The following SYT14 variants were observed in gnomAD, a reference collection of about 807,000 sequenced individuals.
The protein encoded by SYT14 is synaptotagmin-14.
A neutral mutation model predicts 74.2 loss-of-function variants in SYT14; 32 were observed. That is an observed-to-expected ratio of 0.43 (90% confidence interval 0.33 to 0.58). The LOEUF (loss-of-function observed/expected upper bound fraction) is 0.58. Among genes scored for constraint, SYT14 ranks in the 20% least tolerant of loss-of-function variants. SYT14 has a pLI of 0.05. For missense variants in SYT14, 791 were observed against 981.8 expected, an observed-to-expected ratio of 0.81 and a Z score of 2.60; for synonymous variants, 298 against 337.7, an observed-to-expected ratio of 0.88 and a Z score of 1.29.
chr1:209,986,675 G>A (rs899854921), intron 2 of SYT14, among the ~76,000 whole-genome samples: 3 of 151,592 alleles, frequency 2.0e-5, no homozygotes, highest in African/African-American at 7.3e-5. Flanking sequence ...TCTTTTTTGA[G>A]ACGGAGTCTC....
At chr1:210,068,344 G>A (rs997005927) in intron 5 of SYT14, among the ~76,000 whole-genome samples, 2 of 151,678 alleles carry the variant, frequency 1.3e-5, no homozygotes, top group African/African-American at 4.8e-5. Flanking sequence ...GGGTTTCCCA[G>A]AGAAGCTTAC....
chr1:210,031,087 G>GTT (rs1400597656), intron 5 of SYT14, among the ~76,000 whole-genome samples: 1 of 117,064 alleles, frequency 8.5e-6, no homozygotes, highest in African/African-American at 3.1e-5. Flanking sequence ...CACCATGCCT[G>GTT]TCTTTTTTTT....
At chr1:210,105,582 T>C (rs1424534858) in intron 7 of SYT14, among the ~76,000 whole-genome samples, 1 of 152,188 alleles carries the variant, frequency 6.6e-6, no homozygotes, top group Non-Finnish European at 1.5e-5. Flanking sequence ...GATAAAACAT[T>C]TGCTCTTCTG....
chr1:209,986,131 G>T (rs143032541), intron 2 of SYT14, among the ~76,000 whole-genome samples: 60 of 152,306 alleles, frequency 3.9e-4, no homozygotes, highest in African/African-American at 1.3e-3. Flanking sequence ...TTAAATTCCT[G>T]CCTTGAAATT....
chr1:210,052,508 G>T (rs1572218172), intron 5 of SYT14, among the ~76,000 whole-genome samples: 1 of 151,456 alleles, frequency 6.6e-6, no homozygotes, highest in Non-Finnish European at 1.5e-5. Flanking sequence ...ACTAAAAATA[G>T]AAAAATTAGC....
At position 210,062,259 on chromosome 1, in the gene SYT14, CA is replaced by C; in HGVS notation, c.1313-32061del. ...GCAGGTTAAAAATAGAACTAATAAC[CA>C]AGTGCATATTTGGAAATTTGATTCT... On this transcript the variant is annotated intron_variant, in intron 5 of 9. Coordinates refer to ENST00000637265, the Ensembl canonical transcript of SYT14. 1.3e-5 allele frequency among the ~76,000 whole-genome samples: 2 copies of C among 151,908 alleles called. 1 individual carries two copies. Among genetic ancestry groups the C allele is most frequent in the South Asian group, 4.2e-4 (2 of 4,812 alleles).
chr1:210,053,918 C>T (rs1253036316), intron 5 of SYT14, among the ~76,000 whole-genome samples: 1 of 152,044 alleles, frequency 6.6e-6, no homozygotes, highest in Non-Finnish European at 1.5e-5. Flanking sequence ...AGCAAGTGAG[C>T]TTTTTGAGAT....
chr1:209,962,285 G>A (rs2079088151), intron 2 of SYT14, among the ~76,000 whole-genome samples: 1 of 150,190 alleles, frequency 6.7e-6, no homozygotes, highest in South Asian at 2.1e-4. Context: ...TATATATATA[G>A]CTCAGTGACT....
At chr1:210,063,866 T>C (rs1441304494) in intron 5 of SYT14, among the ~76,000 whole-genome samples, 1 of 151,904 alleles carries the variant, frequency 6.6e-6, no homozygotes, top group African/African-American at 2.4e-5. Flanking sequence ...CCTCTAATCT[T>C]AATTTTTTTT....
chr1:209,940,367 C>CTTT (rs35220448), intron 1 of SYT14, among the ~76,000 whole-genome samples: 1 of 144,916 alleles, frequency 6.9e-6, no homozygotes, highest in African/African-American at 2.5e-5. Flanking sequence ...TTCAGTAGAC[C>CTTT]TTTTTTTTTT....
At chr1:210,032,835 T>C (rs2080571508) in intron 5 of SYT14, among the ~76,000 whole-genome samples, 1 of 151,952 alleles carries the variant, frequency 6.6e-6, no homozygotes, top group Non-Finnish European at 1.5e-5. Context: ...ATGTTTTCCA[T>C]TCTACTAATT....
intron 5 of SYT14, among the ~76,000 whole-genome samples, chr1:210,050,578 C>T (rs765015310): frequency 1.3e-5 from 2 of 152,144 alleles, no homozygotes; most frequent in Non-Finnish European, 2.9e-5. Context: ...GTTTTTACAC[C>T]ACTGATAAAG....
chr1:210,133,949 A>G lies in SYT14; in HGVS notation c.2035-21772A>G, dbSNP rs191716557. On this transcript the variant is annotated intron_variant, in intron 7 of 9. Transcript: ENST00000637265. Reference sequence around the variant, plus strand: ...GTTGGCATTCCAAAGTAGGGAAGCTAAAGTTTCATTTGTATAGGCAGAGAC... The same window carrying G: ...GTTGGCATTCCAAAGTAGGGAAGCTGAAGTTTCATTTGTATAGGCAGAGAC... 3.4e-4 allele frequency among the ~76,000 whole-genome samples: 52 copies of G among 151,940 alleles called. No homozygotes were observed. The East Asian group carries it at 9.1e-3, about 27-fold the overall frequency.
At chr1:210,077,481 G>C (rs746872509) in intron 5 of SYT14, among the ~76,000 whole-genome samples, 18 of 152,094 alleles carry the variant, frequency 1.2e-4, no homozygotes, top group Non-Finnish European at 2.6e-4. Flanking sequence ...TTTGTTTATC[G>C]TTCATCACTT....
intron 2 of SYT14, among the ~76,000 whole-genome samples, chr1:209,960,671 G>A (rs912535344): frequency 1.1e-4 from 17 of 152,084 alleles, no homozygotes; most frequent in African/African-American, 3.9e-4. Flanking sequence ...AATATGATCC[G>A]AAATAATAAA....
At chr1:210,068,253 C>T (rs2081332371) in intron 5 of SYT14, among the ~76,000 whole-genome samples, 1 of 151,722 alleles carries the variant, frequency 6.6e-6, no homozygotes, top group Non-Finnish European at 1.5e-5. Flanking sequence ...TATCCCTTTG[C>T]TAAACTAACC....
intron 7 of SYT14, among the ~76,000 whole-genome samples, chr1:210,103,183 GA>G (rs1444444820): frequency 2.0e-5 from 3 of 151,394 alleles, no homozygotes; most frequent in South Asian, 2.1e-4. Context: ...CTGATTGAGA[GA>G]AAAAAAAGAC....
At chr1:210,161,424 C>T (rs1211225678) in exon 10 of SYT14, 1 of 455,836 alleles carries the variant, frequency 2.2e-6, no homozygotes, top group African/African-American at 2.0e-5. Context: ...TAATATCACC[C>T]TACATATTAT....
chr1:209,968,015 T>C (rs1357302535), intron 2 of SYT14, among the ~76,000 whole-genome samples: 1 of 152,112 alleles, frequency 6.6e-6, no homozygotes, highest in African/African-American at 2.4e-5. Flanking sequence ...GAACTAACTA[T>C]AATATAACTG....
Sources: gnomAD v4.1 joint callset for allele counts (sites outside exome capture counted in the v4.1 genomes callset) on GRCh38, gnomAD v4.1.1 for gene constraint, MANE v1.5 for transcripts, NCBI Gene and HGNC (gene_info 2026-07-23, HGNC 2026-07-21) for gene names.